PKIG: variants seen among roughly 807,000 people sequenced by gnomAD.
The protein encoded by PKIG is cAMP-dependent protein kinase inhibitor gamma.
Under a neutral mutation model 6.8 loss-of-function variants are expected in PKIG, and 1 was observed. That is an observed-to-expected ratio of 0.15 (90% CI 0.05 to 0.69). The LOEUF (loss-of-function observed/expected upper bound fraction) is 0.69. Among genes scored for constraint, PKIG ranks in the 30% least tolerant of loss-of-function variants. The pLI, the probability that PKIG is intolerant of heterozygous loss-of-function variation, is 0.82. For synonymous variants in PKIG, 39 were observed against 43.0 expected, an observed-to-expected ratio of 0.91 and a Z score of 0.36; for missense variants, 77 against 104.0, an observed-to-expected ratio of 0.74 and a Z score of 1.13.
intron 2 of PKIG, among the ~76,000 whole-genome samples, chr20:44,606,536 TGG>T (rs1277903346): frequency 2.6e-5 from 4 of 152,182 alleles, no homozygotes; most frequent in Non-Finnish European, 1.5e-5. Context: ...AGGCCAGGCA[TGG>T]TGGCTCACGC....
chr20:44,601,325 C>T (rs913356746), intron 2 of PKIG, among the ~76,000 whole-genome samples: 2 of 152,274 alleles, frequency 1.3e-5, no homozygotes, highest in Admixed American at 1.3e-4. Context: ...CAGGGCCACT[C>T]TTTGAATGGC....
intron 2 of PKIG, among the ~76,000 whole-genome samples, chr20:44,597,078 C>G (rs2065081442): frequency 1.3e-5 from 2 of 152,164 alleles, no homozygotes; most frequent in Non-Finnish European, 2.9e-5. Context: ...CTAAACTCCT[C>G]TCTCTCATCA....
intron 2 of PKIG, among the ~76,000 whole-genome samples, chr20:44,595,118 A>G (rs2065064425): frequency 6.6e-6 from 1 of 152,158 alleles, no homozygotes. Flanking sequence ...GAGCCTCCAA[A>G]CCTTAAGAAT....
intron 1 of PKIG, among the ~76,000 whole-genome samples, chr20:44,534,010 T>G (rs1248760726): frequency 2.0e-5 from 3 of 152,184 alleles, no homozygotes; most frequent in Non-Finnish European, 4.4e-5. Flanking sequence ...CAATATAATA[T>G]ATCAGTGGGA....
intron 1 of PKIG, among the ~76,000 whole-genome samples, chr20:44,544,264 T>C (rs756291515): frequency 6.6e-6 from 1 of 152,114 alleles, no homozygotes; most frequent in Non-Finnish European, 1.5e-5. Context: ...GATGAAATTA[T>C]CTCTAGACCA....
chr20:44,610,060 TAGA>T (rs767533659), intron 2 of PKIG, among the ~76,000 whole-genome samples: 120 of 152,340 alleles, frequency 7.9e-4, no homozygotes, highest in Admixed American at 1.4e-3. Context: ...CCGTGACCTG[TAGA>T]AGGAGCCACC....
At chr20:44,571,931 C>T (rs1237268828) in intron 1 of PKIG, among the ~76,000 whole-genome samples, 1 of 152,184 alleles carries the variant, frequency 6.6e-6, no homozygotes, top group Non-Finnish European at 1.5e-5. Flanking sequence ...GTTCTGAAAG[C>T]CTTTAATCAT....
Position 44,568,691 on chromosome 20 carries a change from C to T in PKIG, c.-240-13894C>T, listed in dbSNP as rs1304631912. On this transcript the variant is annotated intron_variant, in intron 1 of 4. Transcript: ENST00000372887. ...GTCTTGAACTCCTGACCTTGTGATC[C>T]ACCTGCCTCAGCCTCCCAAATTGCT... Among the ~76,000 whole-genome samples, 3 of 152,220 alleles carry T rather than the reference C, an allele frequency of 2.0e-5. No homozygotes were observed. The East Asian group carries it at 5.8e-4, about 29-fold the overall frequency.
chr20:44,553,775 T>C (rs568396093), intron 1 of PKIG, among the ~76,000 whole-genome samples: 1 of 152,110 alleles, frequency 6.6e-6, no homozygotes, highest in Non-Finnish European at 1.5e-5. Flanking sequence ...CATGTTCCTG[T>C]GCACACGGGT....
At chr20:44,546,527 T>A (rs2064615322) in intron 1 of PKIG, among the ~76,000 whole-genome samples, 1 of 151,608 alleles carries the variant, frequency 6.6e-6, no homozygotes. Context: ...TCCAGAGACA[T>A]CTTCTCTAGT....
intron 2 of PKIG, among the ~76,000 whole-genome samples, chr20:44,613,918 G>T (rs147389339): frequency 6.6e-6 from 1 of 152,100 alleles, no homozygotes; most frequent in South Asian, 2.1e-4. Flanking sequence ...CCATGCTCCC[G>T]CCTGCTGGCT....
At chr20:44,549,538 T>C (rs2064649032) in intron 1 of PKIG, among the ~76,000 whole-genome samples, 1 of 152,200 alleles carries the variant, frequency 6.6e-6, no homozygotes, top group East Asian at 1.9e-4. Flanking sequence ...TAAACTTCCA[T>C]TTAAGGCTTG....
At chr20:44,603,495 T>C (rs934523995) in intron 2 of PKIG, among the ~76,000 whole-genome samples, 4 of 152,110 alleles carry the variant, frequency 2.6e-5, no homozygotes, top group Non-Finnish European at 5.9e-5. Flanking sequence ...AGATGCCTTC[T>C]ACCCTGCCAC....
chr20:44,544,551 C>T (rs755222459), intron 1 of PKIG, among the ~76,000 whole-genome samples: 85 of 152,256 alleles, frequency 5.6e-4, no homozygotes, highest in Non-Finnish European at 4.3e-4. Flanking sequence ...AGTGGTCGCA[C>T]GTGTTGGCTC....
At chr20:44,605,051 G>A (rs1173994150) in intron 2 of PKIG, among the ~76,000 whole-genome samples, 1 of 152,062 alleles carries the variant, frequency 6.6e-6, no homozygotes, top group African/African-American at 2.4e-5. Flanking sequence ...CTATGAGAAG[G>A]AAACCATCCT....
intron 1 of PKIG, among the ~76,000 whole-genome samples, chr20:44,539,318 A>G (rs2123137926): frequency 6.6e-6 from 1 of 152,192 alleles, no homozygotes; most frequent in East Asian, 1.9e-4. Context: ...GACCTGATTG[A>G]TGATCTCTTA....
upstream of PKIG, among the ~76,000 whole-genome samples, chr20:44,578,919 C>A (rs1375806322): frequency 2.0e-5 from 3 of 152,128 alleles, no homozygotes; most frequent in Non-Finnish European, 4.4e-5. Flanking sequence ...CACCTGTAAT[C>A]CCAACACTTT....
chr20:44,590,830 A>C (rs1344531738), intron 2 of PKIG, among the ~76,000 whole-genome samples: 2 of 152,232 alleles, frequency 1.3e-5, no homozygotes, highest in Non-Finnish European at 2.9e-5. Context: ...GGATGGTGTG[A>C]GGACTGAAAG....
At chr20:44,552,513 C>T (rs1400211360) in intron 1 of PKIG, among the ~76,000 whole-genome samples, 1 of 152,076 alleles carries the variant, frequency 6.6e-6, no homozygotes, top group Non-Finnish European at 1.5e-5. Context: ...TGATGCATTG[C>T]CTTGCTCAGG....
Sources: allele counts gnomAD v4.1 joint callset (sites outside exome capture counted in the v4.1 genomes callset), GRCh38; gene constraint gnomAD v4.1.1; transcripts MANE v1.5; gene names NCBI Gene and HGNC (gene_info 2026-07-23, HGNC 2026-07-21).